Variants in YTHDF3 observed in about 807,000 individuals in gnomAD.
YTHDF3 encodes YTH domain-containing family protein 3.
A neutral mutation model predicts 52.5 loss-of-function variants in YTHDF3; 9 were observed. The ratio of observed to expected loss-of-function variants is 0.17; its 90% CI spans 0.10 to 0.30. The LOEUF (loss-of-function observed/expected upper bound fraction) is 0.30, where lower values mean the gene tolerates loss of function less well. Among genes scored for constraint, YTHDF3 ranks in the 10% least tolerant of loss-of-function variants. YTHDF3 has a pLI of 1.00. For missense variants in YTHDF3, 534 were observed against 715.0 expected (o/e 0.75, Z 2.89); for synonymous variants, 274 against 243.3 (o/e 1.13, Z -1.18).
intron 4 of YTHDF3, among the ~76,000 whole-genome samples, chr8:63,194,980 A>G (rs566088186): frequency 1.5e-4 from 23 of 152,114 alleles, no homozygotes; most frequent in Non-Finnish European, 2.9e-4. Flanking sequence ...TAAAAACCTA[A>G]TTTCATCTCT....
intron 4 of YTHDF3, among the ~76,000 whole-genome samples, chr8:63,192,812 A>G (rs1585769917): frequency 7.1e-6 from 1 of 140,262 alleles, no homozygotes; most frequent in Non-Finnish European, 1.5e-5. Context: ...TTTACTACTT[A>G]TGCCTTTTTT....
intron 1 of YTHDF3, 52 bp from the exon 2 acceptor site, chr8:63,169,335 T>A: frequency 6.4e-7 from 1 of 1,569,228 alleles, no homozygotes; most frequent in African/African-American, 1.4e-5. Context: ...AACACACTTT[T>A]TCTTTTCTTC....
Position 63,186,336 on chromosome 8 carries a change from C to A in YTHDF3, c.325C>A (p.Pro109Thr), listed in dbSNP as rs771521146. The A allele has an allele frequency of 6.2e-7, 1 of 1,613,998 alleles. No individual in the cohort carries two copies. The highest frequency in any genetic ancestry group is 8.5e-7 in the Non-Finnish European group (1 of 1,179,892). ...TATACCAGATGGTGTATTTAGTCAA[C>A]CTGGGGCATTAGGAAATACCCCTCC... ...HYIPDGVFSQ[P>T]GALGNTPPFL... Residue 109 changes from proline to threonine, a missense_variant, in exon 4 of 5, where the codon CCT becomes ACT. Around this residue, in one of 3 missense-constraint regions of YTHDF3, gnomAD observed 196 missense variants for 299.5 expected, o/e 0.65. Transcript: ENST00000539294.
At chr8:63,194,194 T>C (rs1326197740) in intron 4 of YTHDF3, among the ~76,000 whole-genome samples, 1 of 152,176 alleles carries the variant, frequency 6.6e-6, no homozygotes, top group Non-Finnish European at 1.5e-5. Context: ...AATAAACTTT[T>C]TGGGAGAGGC....
At position 63,170,187 on chromosome 8, in the gene YTHDF3, A is replaced by G. The variant is rs1251355977; in HGVS notation, c.49+776A>G. 2.0e-5 allele frequency among the ~76,000 whole-genome samples: 3 copies of G among 152,332 alleles called. No homozygotes were observed. The East Asian group carries it at 5.8e-4, about 29-fold the overall frequency. On this transcript the variant is annotated intron_variant, in intron 2 of 4. Transcript: ENST00000539294. Reference sequence around the variant, plus strand: ...CTGCTTTCTTGGGATAGTGCCAATTAAATAACATCAGAGCAAATTATATAT... The same window carrying G: ...CTGCTTTCTTGGGATAGTGCCAATTGAATAACATCAGAGCAAATTATATAT...
At position 63,186,746 on chromosome 8, in the gene YTHDF3, T is replaced by G. The variant is rs1490773446; in HGVS notation, c.735T>G (p.Pro245=). 10 of 1,613,956 alleles carry G rather than the reference T, an allele frequency of 6.2e-6. No homozygotes were observed. Among genetic ancestry groups the G allele is most frequent in the Middle Eastern group, 1.7e-4 (1 of 6,060 alleles). Residue 245 remains proline (P), a synonymous_variant, in exon 4 of 5, where the codon CCT becomes CCG. Coordinates refer to ENST00000539294, the MANE Select transcript of YTHDF3 (RefSeq NM_152758.6). ...CCTGGGCTGCCATTGCCAGAAAGCCTGCCAAACCTCAACCGAAACTTAAAC... is the reference window on the plus strand; with the variant it reads ...CCTGGGCTGCCATTGCCAGAAAGCCGGCCAAACCTCAACCGAAACTTAAAC... ...PTSWAAIARK[P]AKPQPKLKPK... is the part of the protein sequence containing the mutation.
chr8:63,187,872 C>T (rs1671294146), intron 4 of YTHDF3, 127 bp downstream of exon 4: 1 of 1,050,228 alleles, frequency 9.5e-7, no homozygotes, highest in African/African-American at 1.6e-5. Flanking sequence ...TCTACAAACA[C>T]CCTTGAAGGT....
At chr8:63,176,372 C>G (rs920613658) in intron 3 of YTHDF3, among the ~76,000 whole-genome samples, 2 of 152,142 alleles carry the variant, frequency 1.3e-5, no homozygotes, top group Non-Finnish European at 2.9e-5. Flanking sequence ...AGCTCTGCCT[C>G]CCGGGTTCAC....
chr8:63,185,690 G>C (rs889115838), intron 3 of YTHDF3, among the ~76,000 whole-genome samples: 5 of 152,154 alleles, frequency 3.3e-5, no homozygotes, highest in African/African-American at 1.2e-4. Context: ...ATATAGATAA[G>C]CTGTAATTCC....
intron 3 of YTHDF3, among the ~76,000 whole-genome samples, chr8:63,176,266 T>C (rs148239082): frequency 6.6e-6 from 1 of 152,208 alleles, no homozygotes; most frequent in South Asian, 2.1e-4. Context: ...GTCTTAAAAT[T>C]AGTTCTGTAG....
intron 4 of YTHDF3, among the ~76,000 whole-genome samples, chr8:63,205,001 C>CT: frequency 6.6e-6 from 1 of 152,264 alleles, no homozygotes; most frequent in Non-Finnish European, 1.5e-5. Flanking sequence ...AGTTTGAAGA[C>CT]TAGGGGTCTT....
chr8:63,168,558 G>A (rs1443407199), upstream of YTHDF3: 4 of 506,532 alleles, frequency 7.9e-6, no homozygotes, highest in Non-Finnish European at 1.4e-5. Flanking sequence ...GGGGGAGGAA[G>A]AGCGAGGTGA....
At chr8:63,197,997 CTTTT>C (rs1051906753) in intron 4 of YTHDF3, among the ~76,000 whole-genome samples, 6 of 152,064 alleles carry the variant, frequency 3.9e-5, no homozygotes, top group African/African-American at 1.4e-4. Flanking sequence ...GGTTCAGTTG[CTTTT>C]TTAATTCCAC....
intron 4 of YTHDF3, among the ~76,000 whole-genome samples, chr8:63,196,422 C>G (rs193159073): frequency 6.6e-6 from 1 of 151,626 alleles, no homozygotes; most frequent in Non-Finnish European, 1.5e-5. Context: ...ATTAGCGAGG[C>G]GTGCTGACAG....
chr8:63,196,974 A>G (rs1271763102), intron 4 of YTHDF3, among the ~76,000 whole-genome samples: 3 of 152,208 alleles, frequency 2.0e-5, no homozygotes, highest in Admixed American at 2.0e-4. Context: ...TTTATGTCAC[A>G]CAGGTTGGCA....
At chr8:63,200,260 T>A (rs1019775347) in intron 4 of YTHDF3, among the ~76,000 whole-genome samples, 2 of 152,160 alleles carry the variant, frequency 1.3e-5, no homozygotes, top group African/African-American at 4.8e-5. Context: ...ACAGGAGGCT[T>A]GCTTCATCAA....
rs143737347 is a variant in YTHDF3 at position 63,197,928 on chromosome 8, G to C, written c.1734+10183G>C. 2.8e-4 allele frequency among the ~76,000 whole-genome samples: 42 copies of C among 152,218 alleles called. No homozygotes were observed. In the East Asian group the frequency reaches 7.9e-3, roughly 29 times the overall value. ...GAATGTGAGTCATTTAAATCCCCCT[G>C]TATTCCTTCATTCTTGTAAATCTTC... On this transcript the variant is annotated intron_variant, in intron 4 of 4. Transcript: ENST00000539294.
chr8:63,185,501 A>G (rs1808438592), intron 3 of YTHDF3, among the ~76,000 whole-genome samples: 1 of 152,234 alleles, frequency 6.6e-6, no homozygotes, highest in Non-Finnish European at 1.5e-5. Context: ...TCCACCAATA[A>G]GAAACTATGA....
In YTHDF3 at chr8:63,187,621, A is replaced by T. The variant is rs1272771307; in HGVS notation, c.1610A>T (p.Glu537Val). Residue 537 changes from glutamate (E) to valine (V), a missense_variant, in exon 4 of 5, where the codon GAG becomes GTG. Coordinates refer to ENST00000539294, the MANE Select transcript of YTHDF3 (RefSeq NM_152758.6). ...GTTACCAATTCAAGGGACACTCAAGAGGTACCCCTAGAAAAAGCTAAGCAA... is the reference window on the plus strand; with the variant it reads ...GTTACCAATTCAAGGGACACTCAAGTGGTACCCCTAGAAAAAGCTAAGCAA... ...KPVTNSRDTQEVPLEKAKQVL... is the reference protein window; with the variant it reads ...KPVTNSRDTQVVPLEKAKQVL... 4 of 1,612,198 alleles carry T rather than the reference A, an allele frequency of 2.5e-6. No homozygotes were observed. Among genetic ancestry groups the T allele is most frequent in the African/African-American group, 1.3e-5 (1 of 74,920 alleles).
Sources: allele counts gnomAD v4.1 joint callset (sites outside exome capture counted in the v4.1 genomes callset), GRCh38; gene constraint gnomAD v4.1.1; regional missense constraint gnomAD v4.1.1; transcripts MANE v1.5; gene names NCBI Gene and HGNC (gene_info 2026-07-23, HGNC 2026-07-21).